The following ENOX2 variants were observed in gnomAD, a reference collection of about 807,000 sequenced individuals.
ENOX2 encodes the protein ecto-NOX disulfide-thiol exchanger 2.
Under a neutral mutation model 45.0 loss-of-function variants are expected in ENOX2, and 36 were observed. The ratio of observed to expected loss-of-function variants is 0.80; its 90% CI spans 0.61 to 1.06. The LOEUF is 1.06. Among genes scored for constraint, ENOX2 ranks in the 50% least tolerant of loss-of-function variants. ENOX2 has a pLI of 0.00. For missense variants in ENOX2, 423 were observed against 462.5 expected (o/e 0.91, Z 0.78); for synonymous variants, 174 against 152.3 (o/e 1.14, Z -1.05).
intron 6 of ENOX2, among the ~76,000 whole-genome samples, chrX:130,676,090 G>A (rs920039785): frequency 4.5e-5 from 5 of 111,404 alleles, no homozygotes; most frequent in East Asian, 2.8e-4. Context: ...TTGATCATCT[G>A]AGCCATCAGA....
At chrX:130,663,693 C>T (rs894886414) in intron 9 of ENOX2, among the ~76,000 whole-genome samples, 2 of 111,233 alleles carry the variant, frequency 1.8e-5, no homozygotes, top group South Asian at 3.8e-4. Context: ...TAGAAGTGTA[C>T]GTGTATCAAA....
At position 130,843,775 on chromosome X, in the gene ENOX2, C is replaced by T. The variant is rs575690523; in HGVS notation, c.-183+57909G>A. On this transcript the variant is annotated intron_variant, in intron 2 of 14. Coordinates refer to ENST00000394363, the MANE Select transcript of ENOX2 (RefSeq NM_006375.4). Reference sequence around the variant, plus strand: ...ACTTCTGCCAGAAAGCTATCTCTAGCCACCTAAAAGAGAGTTAGGGGGTAC... The same window carrying T: ...ACTTCTGCCAGAAAGCTATCTCTAGTCACCTAAAAGAGAGTTAGGGGGTAC... 5.3e-5 allele frequency among the ~76,000 whole-genome samples: 6 copies of T among 112,165 alleles called. No homozygotes were observed. The South Asian group carries it at 1.5e-3, about 28-fold the overall frequency.
intron 11 of ENOX2, among the ~76,000 whole-genome samples, chrX:130,636,856 C>A (rs924124357): frequency 8.9e-6 from 1 of 112,089 alleles, no homozygotes; most frequent in African/African-American, 3.2e-5. Flanking sequence ...ATTCTATCAA[C>A]TAGATACTTG....
At position 130,903,193 on chromosome X, in the gene ENOX2, C is replaced by A. The variant is rs750332997; in HGVS notation, c.-375G>T. 104 of 113,108 alleles carry A rather than the reference C, an allele frequency of 9.2e-4. No individual in the cohort carries two copies. The highest frequency in any genetic ancestry group is 4.6e-3 in the Middle Eastern group (1 of 219). 9.3% of individuals were successfully genotyped at this position (113,108 alleles called of 1,213,427 possible). A position where few individuals can be genotyped will look rare whatever the true frequency, so the allele number is the denominator to read the frequency against. On this transcript the variant is annotated 5_prime_UTR_variant, in exon 1 of 15. Transcript: ENST00000394363. ...GAAATGCCCGCCTCGCGCTTCCAGG[C>A]CTAGACCCGGCACTCTGGCCCAAGG...
chrX:130,714,349 C>A (rs914401568), intron 3 of ENOX2, among the ~76,000 whole-genome samples: 1 of 111,866 alleles, frequency 8.9e-6, no homozygotes, highest in Non-Finnish European at 1.9e-5. Context: ...TGTCAAAGTA[C>A]GTTCCAACCA....
chrX:130,635,493 T>C (rs759717265), intron 11 of ENOX2, among the ~76,000 whole-genome samples: 3 of 112,334 alleles, frequency 2.7e-5, no homozygotes, highest in East Asian at 2.8e-4. Flanking sequence ...TCTGTGAGGA[T>C]AGTAGTAAAT....
In ENOX2 at chrX:130,634,989, C is replaced by G; in HGVS notation, c.1414G>C (p.Glu472Gln). Residue 472 changes from glutamate to glutamine, a missense_variant, in exon 12 of 15, where the codon GAA becomes CAA. Glu to Gln is a conservative substitution (Grantham distance 29). Around this residue, in one of 5 missense-constraint regions of ENOX2, gnomAD observed 108 missense variants for 70.6 expected, o/e 1.53. Coordinates refer to ENST00000394363, the MANE Select transcript of ENOX2 (RefSeq NM_006375.4). ...TTCACTTAGGGTGCATGTACCTTTT[C>G]TTTAAGATTTTCCAACATTTTTTCC... ...QVEKMLENLKEKESCASRLCA... is the reference protein window; with the variant it reads ...QVEKMLENLKQKESCASRLCA... 1 of 1,132,827 alleles carries G rather than the reference C, an allele frequency of 8.8e-7. No individual in the cohort carries two copies. Among genetic ancestry groups the G allele is most frequent in the Non-Finnish European group, 1.2e-6 (1 of 827,269 alleles). The allele number at this position is 1,132,827 out of a possible 1,213,427, so 93.4% of individuals were successfully genotyped here.
rs193162406 is a variant in ENOX2 at position 130,890,517 on chromosome X, G to T, written c.-183+11167C>A. Among the ~76,000 whole-genome samples the T allele has an allele frequency of 7.1e-5, 8 of 112,234 alleles. No individual in the cohort carries two copies. In the Admixed American group the frequency reaches 7.5e-4, roughly 11 times the overall value. On this transcript the variant is annotated intron_variant, in intron 2 of 14. Coordinates refer to ENST00000394363, the MANE Select transcript of ENOX2 (RefSeq NM_006375.4). ...GAAGATTTCAAAGAACTAAGAACTT[G>T]AACCAAACCATGAACTTAAACGGGA...
chrX:130,845,747 G>A (rs1034491380), intron 2 of ENOX2, among the ~76,000 whole-genome samples: 1 of 112,617 alleles, frequency 8.9e-6, no homozygotes, highest in African/African-American at 3.2e-5. Flanking sequence ...TTACAGGCAT[G>A]AGCCACTGCA....
chrX:130,628,197 A>G (rs1417397832), intron 13 of ENOX2, among the ~76,000 whole-genome samples, 154 bp from the exon 14 acceptor site: 1 of 112,383 alleles, frequency 8.9e-6, no homozygotes, highest in Non-Finnish European at 1.9e-5. Context: ...AATCTTTATA[A>G]TAATCCCATG....
chrX:130,863,209 T>C (rs1375379181), intron 2 of ENOX2, among the ~76,000 whole-genome samples: 2 of 112,369 alleles, frequency 1.8e-5, no homozygotes, highest in Non-Finnish European at 3.8e-5. Flanking sequence ...CAATGTCTAA[T>C]CTAAACATGG....
chrX:130,861,557 T>C (rs1367653502), intron 2 of ENOX2, among the ~76,000 whole-genome samples: 1 of 111,564 alleles, frequency 9.0e-6, no homozygotes, highest in African/African-American at 3.3e-5. Context: ...GATAGCACTA[T>C]ATGATGAATA....
intron 4 of ENOX2, among the ~76,000 whole-genome samples, chrX:130,697,382 G>A (rs2037790554): frequency 8.9e-6 from 1 of 112,257 alleles, no homozygotes; most frequent in Non-Finnish European, 1.9e-5. Flanking sequence ...TTACTTTGTT[G>A]CTTCTGCCAC....
intron 6 of ENOX2, 76 bp from the exon 7 acceptor site, chrX:130,670,274 CAGAG>C (rs1298647185): frequency 2.0e-5 from 13 of 659,144 alleles, no homozygotes; most frequent in South Asian, 5.1e-5. Flanking sequence ...GAGACAGAGA[CAGAG>C]AGAGAGAGAG....
chrX:130,656,765 G>A (rs915558583), intron 9 of ENOX2, 70 bp from the exon 10 acceptor site: 1 of 625,116 alleles, frequency 1.6e-6, no homozygotes, highest in African/African-American at 2.3e-5. Context: ...TGGAGTTAAG[G>A]ATAAGATAAA....
intron 3 of ENOX2, among the ~76,000 whole-genome samples, chrX:130,724,727 T>A (rs1032069590): frequency 8.9e-6 from 1 of 111,933 alleles, no homozygotes; most frequent in Non-Finnish European, 1.9e-5. Context: ...TGCATCAGTT[T>A]CAAACACAAA....
At chrX:130,886,608 T>C (rs775987590) in intron 2 of ENOX2, among the ~76,000 whole-genome samples, 12 of 112,102 alleles carry the variant, frequency 1.1e-4, no homozygotes, top group Non-Finnish European at 2.3e-4. Context: ...ATACAGATGG[T>C]TTGGGGCTCG....
intron 12 of ENOX2, among the ~76,000 whole-genome samples, chrX:130,632,520 G>A (rs1410768502): frequency 5.4e-5 from 6 of 111,113 alleles, no homozygotes; most frequent in Non-Finnish European, 9.4e-5. Context: ...AAAGCTTTCA[G>A]AAGAAGGAAT....
intron 2 of ENOX2, among the ~76,000 whole-genome samples, chrX:130,863,276 T>C (rs2078439087): frequency 8.9e-6 from 1 of 112,451 alleles, no homozygotes; most frequent in South Asian, 3.7e-4. Context: ...AAACTCTTCC[T>C]TTTTCACTTA....
Sources: allele counts gnomAD v4.1 joint callset (sites outside exome capture counted in the v4.1 genomes callset), GRCh38; gene constraint gnomAD v4.1.1; regional missense constraint gnomAD v4.1.1; transcripts MANE v1.5; gene names NCBI Gene and HGNC (gene_info 2026-07-23, HGNC 2026-07-21).